Variants in DDN observed in about 807,000 individuals in gnomAD.
DDN encodes the protein dendrin.
DDN carries 4 observed loss-of-function variants against 7.3 expected under a neutral mutation model. That is an observed-to-expected ratio of 0.55 (90% CI 0.27 to 1.25). DDN has a LOEUF of 1.25. Ranked by LOEUF, DDN falls within the 50% of genes most tolerant of loss-of-function variation. DDN has a pLI of 0.12. For synonymous variants in DDN, 425 were observed against 424.3 expected (o/e 1.00, Z -0.02); for missense variants, 933 against 974.7 (o/e 0.96, Z 0.57).
At position 48,997,351 on chromosome 12, in the gene DDN, G is replaced by A; in HGVS notation, c.1525C>T (p.Pro509Ser). 1 of 1,611,692 alleles carries A rather than the reference G, an allele frequency of 6.2e-7. No individual in the cohort carries two copies. The highest frequency in any genetic ancestry group is 8.5e-7 in the Non-Finnish European group (1 of 1,179,160). Residue 509 changes from proline (P) to serine (S), a missense_variant, in exon 2 of 2, where the codon CCT (proline) becomes TCT (serine). Physicochemically the swap from Pro to Ser is moderately conservative, Grantham distance 74. Transcript: ENST00000421952. ...CTGCTCGACAGCCGCTTTTGACAAG[G>A]GGAAGGAAAGACCGTGGCCCCTTCA... The part of the protein sequence containing the change: ...EGEGATVFPS[P>S]CQKRLSSSRL...
At position 48,997,123 on chromosome 12, in the gene DDN, C is replaced by CGGCTCTGCCCTG. The variant is rs1555180147; in HGVS notation, c.1741_1752dup (p.Gln581_Ala584dup). 2.0e-6 allele frequency: 3 copies of CGGCTCTGCCCTG among 1,526,326 alleles called. No individual in the cohort carries two copies. The highest frequency in any genetic ancestry group is 2.6e-6 in the Non-Finnish European group (3 of 1,143,048). The allele number at this position is 1,526,326 out of a possible 1,614,324, so 94.5% of individuals were successfully genotyped here. Reference sequence around the variant, plus strand: ...TGGACCACCGCCACTTCCGACCCCTCGGCTCTGCCCTGGGCTCCCGAAGCT... The same window carrying CGGCTCTGCCCTG: ...TGGACCACCGCCACTTCCGACCCCTCGGCTCTGCCCTGGGCTCTGCCCTGGGCTCCCGAAGCT... On this transcript the variant is annotated inframe_insertion, in exon 2 of 2. Transcript: ENST00000421952.
Position 48,997,856 on chromosome 12 carries a change from G to C in DDN, c.1020C>G (p.Ser340Arg). Residue 340 changes from serine (S) to arginine (R), a missense_variant, in exon 2 of 2, where the codon AGC (serine) becomes AGG (arginine). Transcript: ENST00000421952. ...CCGCAGGAGCTATCTCGGTGCCTGC[G>C]CTCCCTGTAGCTTTGGCTTGGGGAT... is the stretch of plus-strand genomic sequence containing the variant. ...DSHPQAKATG[S>R]AGTEIAPAGS... 6.2e-7 allele frequency: 1 copy of C among 1,613,286 alleles called. No individual in the cohort carries two copies. The highest frequency in any genetic ancestry group is 8.5e-7 in the Non-Finnish European group (1 of 1,180,014).
rs765795725 is a variant in DDN at position 48,997,249 on chromosome 12, C to T, written c.1627G>A (p.Glu543Lys). 1.9e-6 allele frequency: 3 copies of T among 1,606,138 alleles called. No homozygotes were observed. The Admixed American group carries it at 5.1e-5, about 27-fold the overall frequency. ...AGCCCCAAGATGCGGAAAGTGCGCT[C>T]CTCCAGTGTGGAGTCCCCCGGCCTC... ...GGRPGDSTLE[E>K]RTFRILGLPA... Residue 543 changes from glutamate to lysine, a missense_variant, in exon 2 of 2, where the codon GAG becomes AAG. Coordinates refer to ENST00000421952, the MANE Select transcript of DDN (RefSeq NM_015086.2).
In DDN at chr12:48,998,462, G is replaced by C; in HGVS notation, c.414C>G (p.Ser138Arg). The C allele has an allele frequency of 2.6e-6, 4 of 1,558,600 alleles. No homozygotes were observed. Among genetic ancestry groups the C allele is most frequent in the Non-Finnish European group, 3.4e-6 (4 of 1,161,526 alleles). ...KRRKAGGARR[S>R]PPGRPRPEPR... ...GCTCCGGGCGGGGTCGACCCGGGGG[G>C]CTCCGTCGGGCCCCACCAGCCTTGC... The change falls in exon 2 of 2, where the codon AGC (serine) becomes AGG (arginine). Residue 138 changes from serine to arginine, a missense_variant. By Grantham distance (110) the Ser-to-Arg change is moderately radical. Coordinates refer to ENST00000421952, the MANE Select transcript of DDN (RefSeq NM_015086.2).
Position 48,998,100 on chromosome 12 carries a change from G to C in DDN, c.776C>G (p.Ala259Gly). The C allele has an allele frequency of 6.2e-7, 1 of 1,613,920 alleles. No homozygotes were observed. The highest frequency in any genetic ancestry group is 8.5e-7 in the Non-Finnish European group (1 of 1,180,046). The change falls in exon 2 of 2, where the codon GCG becomes GGG. Residue 259 changes from alanine (A) to glycine (G), a missense_variant. Ala to Gly is a moderately conservative substitution (Grantham distance 60, BLOSUM62 0). Transcript: ENST00000421952. Reference sequence around the variant, plus strand: ...CCCTCCGTCTGTCCTGGCTGGAGTCGCAGCTGGGGCTGATGAAGTGGGCAC... The same window carrying C: ...CCCTCCGTCTGTCCTGGCTGGAGTCCCAGCTGGGGCTGATGAAGTGGGCAC... Reference protein sequence around the residue: ...SQVPTSSAPAATPARTDGGRT... With the variant: ...SQVPTSSAPAGTPARTDGGRT...
Position 48,999,116 on chromosome 12 carries a change from G to A in DDN, c.172C>T (p.Gln58Ter). ...RAPSRQPMDF[Q>*]ASHWARGFQN... Reference sequence around the variant, plus strand: ...AACCCGCGAGCCCAGTGGCTGGCCTGGAAGTCCATGGGCTGTCGAGAAGGG... The same window carrying A: ...AACCCGCGAGCCCAGTGGCTGGCCTAGAAGTCCATGGGCTGTCGAGAAGGG... The change falls in exon 1 of 2, where the codon CAG (glutamine) becomes TAG (stop). Residue 58 changes from glutamine to a stop codon, truncating the protein, a stop_gained. Transcript: ENST00000421952. LOFTEE classifies it low-confidence loss of function (END_TRUNC). 1 of 1,614,078 alleles carries A rather than the reference G, an allele frequency of 6.2e-7. No individual in the cohort carries two copies. Among genetic ancestry groups the A allele is most frequent in the Non-Finnish European group, 8.5e-7 (1 of 1,179,990 alleles).
rs1278134286 is a variant in DDN, at chr12:48,999,179, C to T, written c.109G>A (p.Glu37Lys). The T allele has an allele frequency of 5.6e-6, 9 of 1,613,822 alleles. No individual in the cohort carries two copies. The South Asian group carries it at 9.9e-5, about 18-fold the overall frequency. The change falls in exon 1 of 2, where the codon GAA becomes AAA. Residue 37 changes from glutamate (E) to lysine (K), a missense_variant. By Grantham distance (56) the Glu-to-Lys change is moderately conservative (BLOSUM62 1). Coordinates refer to ENST00000421952, the MANE Select transcript of DDN (RefSeq NM_015086.2). ...TAATGACAGGAAATAGTCTTCACTT[C>T]TATCACCAATAGCTTGGACTTCTGC... ...WVQKSKLLVI[E>K]VKTISCHYSR...
rs547251066 is a variant in DDN, at chr12:48,996,506, C to G, written c.*234G>C. 1.1e-5 allele frequency: 7 copies of G among 649,660 alleles called. No homozygotes were observed. Among genetic ancestry groups the G allele is most frequent in the African/African-American group, 9.1e-5 (5 of 54,794 alleles). 40.2% of individuals were successfully genotyped at this position (649,660 alleles called of 1,614,324 possible). A position where few individuals can be genotyped will look rare whatever the true frequency, so the allele number is the denominator to read the frequency against. On this transcript the variant is annotated 3_prime_UTR_variant, in exon 2 of 2. Coordinates refer to ENST00000421952, the MANE Select transcript of DDN (RefSeq NM_015086.2). The stretch of plus-strand genomic sequence containing the variant: ...TGCATCAGCCCCTGCGAAGAGCTCA[C>G]CCTTGTGCCCTGAACATAACAGACA...
intron 1 of DDN, 84 bp from the exon 2 acceptor site, chr12:48,998,750 C>G (rs1941255548): frequency 7.8e-6 from 11 of 1,409,262 alleles, no homozygotes; most frequent in Non-Finnish European, 1.0e-5. Context: ...CTGGAGACCA[C>G]TTGGGGCAGC....
At position 48,998,106 on chromosome 12, in the gene DDN, G is replaced by A; in HGVS notation, c.770C>T (p.Pro257Leu). ...GNSQVPTSSAPAATPARTDGG... is the reference protein window; with the variant it reads ...GNSQVPTSSALAATPARTDGG... ...GTCTGTCCTGGCTGGAGTCGCAGCT[G>A]GGGCTGATGAAGTGGGCACCTGAGA... Residue 257 changes from proline to leucine, a missense_variant, in exon 2 of 2, where the codon CCA becomes CTA. By Grantham distance (98) the Pro-to-Leu change is moderately conservative (BLOSUM62 -3). Coordinates refer to ENST00000421952, the MANE Select transcript of DDN (RefSeq NM_015086.2). 6.2e-7 allele frequency: 1 copy of A among 1,613,924 alleles called. No individual in the cohort carries two copies. The highest frequency in any genetic ancestry group is 8.5e-7 in the Non-Finnish European group (1 of 1,180,046).
chr12:48,998,771 GGT>G, intron 1 of DDN, 105 bp from the exon 2 acceptor site: 4 of 1,351,580 alleles, frequency 3.0e-6, no homozygotes, highest in Non-Finnish European at 2.9e-6. Context: ...CATGTGAAGG[GGT>G]GTGTGTGAGT....
chr12:48,997,053 G>A lies in DDN; in HGVS notation c.1823C>T (p.Ala608Val). 1.3e-6 allele frequency: 2 copies of A among 1,547,808 alleles called. No homozygotes were observed. The highest frequency in any genetic ancestry group is 1.7e-6 in the Non-Finnish European group (2 of 1,152,026). ...GGACACGGCTTCTCGCAGGGCCCCG[G>A]CGTAGGGCCCTGGGGTCCGCGCCCA... is the stretch of plus-strand genomic sequence containing the variant. ...RGWARTPGPY[A>V]GALREAVSRI... The change falls in exon 2 of 2, where the codon GCC becomes GTC. Residue 608 changes from alanine to valine, a missense_variant. By Grantham distance (64) the Ala-to-Val change is moderately conservative. Transcript: ENST00000421952.
At position 48,998,451 on chromosome 12, in the gene DDN, C is replaced by T; in HGVS notation, c.425G>A (p.Arg142Gln). ...AGGARRSPPG[R>Q]PRPEPRNAPR... is the part of the protein sequence containing the mutation. ...GGCGTTGCGGGGCTCCGGGCGGGGT[C>T]GACCCGGGGGGCTCCGTCGGGCCCC... Residue 142 changes from arginine (R) to glutamine (Q), a missense_variant, in exon 2 of 2, where the codon CGA (arginine) becomes CAA (glutamine). Coordinates refer to ENST00000421952, the MANE Select transcript of DDN (RefSeq NM_015086.2). 1.3e-6 allele frequency: 2 copies of T among 1,540,220 alleles called. No individual in the cohort carries two copies. Among genetic ancestry groups the T allele is most frequent in the Non-Finnish European group, 1.7e-6 (2 of 1,153,540 alleles).
chr12:48,998,580 G>T lies in DDN; in HGVS notation c.296C>A (p.Ala99Glu), dbSNP rs750928041. 6.3e-7 allele frequency: 1 copy of T among 1,588,988 alleles called. No homozygotes were observed. The highest frequency in any genetic ancestry group is 1.7e-5 in the Admixed American group (1 of 59,280). ...RVLQEATNWR[A>E]GPLAEVRARE... ...AGCTCGGACCTCGGCCAGGGGCCCCGCCCGCCAGTTGGTCGCCTCCTGCAG... is the reference window on the plus strand; with the variant it reads ...AGCTCGGACCTCGGCCAGGGGCCCCTCCCGCCAGTTGGTCGCCTCCTGCAG... Residue 99 changes from alanine (A) to glutamate (E), a missense_variant, in exon 2 of 2, where the codon GCG becomes GAG. Ala to Glu is a moderately radical substitution (Grantham distance 107). Transcript: ENST00000421952.
chr12:48,997,313 G>C lies in DDN; in HGVS notation c.1563C>G (p.His521Gln), dbSNP rs1418682882. The C allele has an allele frequency of 6.2e-7, 1 of 1,609,894 alleles. No homozygotes were observed. The highest frequency in any genetic ancestry group is 1.7e-4 in the Middle Eastern group (1 of 6,054). ...CGCCCCCGCGGCCCCCGCCGGGCTG[G>C]TGTAAAAGGCGACTGCTCGACAGCC... is the stretch of plus-strand genomic sequence containing the variant. ...QKRLSSSRLLHQPGGGRGGEA... is the reference protein window; with the variant it reads ...QKRLSSSRLLQQPGGGRGGEA... Residue 521 changes from histidine to glutamine, a missense_variant, in exon 2 of 2, where the codon CAC becomes CAG. His to Gln is a conservative substitution (Grantham distance 24). Coordinates refer to ENST00000421952, the MANE Select transcript of DDN (RefSeq NM_015086.2).
chr12:48,996,634 G>A lies in DDN; in HGVS notation c.*106C>T, dbSNP rs969928687. 5 of 1,475,540 alleles carry A rather than the reference G, an allele frequency of 3.4e-6. No homozygotes were observed. The East Asian group carries it at 1.2e-4, about 35-fold the overall frequency. The allele number at this position is 1,475,540 out of a possible 1,614,324, so 91.4% of individuals were successfully genotyped here. On this transcript the variant is annotated 3_prime_UTR_variant, in exon 2 of 2. Coordinates refer to ENST00000421952, the MANE Select transcript of DDN (RefSeq NM_015086.2). ...ATTTCAAGGATGAGAACAGGTATGG[G>A]TAAAGATACAAGGAAAAGAGAAGCA...
Position 48,998,147 on chromosome 12 carries a change from C to G in DDN, c.729G>C (p.Lys243Asn), listed in dbSNP as rs200162292. The G allele has an allele frequency of 5.6e-6, 9 of 1,613,564 alleles. No homozygotes were observed. In the Admixed American group the frequency reaches 6.7e-5, roughly 12 times the overall value. Residue 243 changes from lysine (K) to asparagine (N), a missense_variant, in exon 2 of 2, where the codon AAG becomes AAC. Lys to Asn is a moderately conservative substitution (Grantham distance 94, BLOSUM62 0). Transcript: ENST00000421952. The stretch of plus-strand genomic sequence containing the variant: ...GCACCTGAGAGTTCCCGGGGCCTCT[C>G]TTAGTCCCCAAGGTCCTATGGGGGC... ...YEGPHRTLGT[K>N]RGPGNSQVPT...
Position 48,997,697 on chromosome 12 carries a change from C to A in DDN, c.1179G>T (p.Gln393His), listed in dbSNP as rs1161547442. The A allele has an allele frequency of 6.4e-7, 1 of 1,572,352 alleles. No individual in the cohort carries two copies. Residue 393 changes from glutamine to histidine, a missense_variant, in exon 2 of 2, where the codon CAG becomes CAT. Transcript: ENST00000421952. Reference sequence around the variant, plus strand: ...GGAGTGTCTGGCTATGGCGGGGCGGCTGCTTTTTAGGGGAGGGAATCCAGC... The same window carrying A: ...GGAGTGTCTGGCTATGGCGGGGCGGATGCTTTTTAGGGGAGGGAATCCAGC... ...PKCWIPSPKK[Q>H]PPRHSQTLPR...
In DDN at chr12:48,999,274, G is replaced by A. The variant is rs1941265154; in HGVS notation, c.14C>T (p.Pro5Leu). MLDG[P>L]LFSEGPDSPR... ...GCTGTCAGGCCCCTCGGAGAACAGT[G>A]GGCCATCCAGCATCCTGCCCCACCC... Residue 5 changes from proline to leucine, a missense_variant, in exon 1 of 2, where the codon CCA becomes CTA. By Grantham distance (98) the Pro-to-Leu change is moderately conservative (BLOSUM62 -3). Coordinates refer to ENST00000421952, the MANE Select transcript of DDN (RefSeq NM_015086.2). 6.5e-7 allele frequency: 1 copy of A among 1,550,350 alleles called. No homozygotes were observed. The highest frequency in any genetic ancestry group is 8.7e-7 in the Non-Finnish European group (1 of 1,147,006).
Sources: gnomAD v4.1 joint callset for allele counts on GRCh38, gnomAD v4.1.1 for gene constraint, MANE v1.5 for transcripts, NCBI Gene and HGNC (gene_info 2026-07-23, HGNC 2026-07-21) for gene names.